SYN3: variants seen among roughly 807,000 people sequenced by gnomAD.
SYN3 encodes the protein synapsin-3.
In SYN3, 35 loss-of-function variants were observed where a neutral mutation model predicts 65.8. The ratio of observed to expected loss-of-function variants is 0.53; its 90% CI spans 0.41 to 0.70. SYN3 has a LOEUF of 0.70. SYN3 is among the 30% of genes least tolerant of loss of function. SYN3 has a pLI of 0.00. For synonymous variants in SYN3, 270 were observed against 292.9 expected (o/e 0.92, Z 0.80); for missense variants, 680 against 749.0 (o/e 0.91, Z 1.08).
intron 13 of SYN3, chr22:32,514,741 G>A (rs533034990): frequency 6.6e-6 from 1 of 152,556 alleles, no homozygotes; most frequent in African/African-American, 2.4e-5. Context: ...ACTGTGCTGG[G>A]CGCAGTGGCT....
chr22:32,816,035 A>G (rs1451578627), intron 6 of SYN3, among the ~76,000 whole-genome samples: 1 of 152,196 alleles, frequency 6.6e-6, no homozygotes, highest in Non-Finnish European at 1.5e-5. Flanking sequence ...TGAAGGGCCC[A>G]GGCAAAGCAG....
intron 4 of SYN3, among the ~76,000 whole-genome samples, chr22:32,873,138 G>A (rs1469378409): frequency 6.6e-6 from 1 of 151,868 alleles, no homozygotes; most frequent in Non-Finnish European, 1.5e-5. Context: ...TTTAGTAGAG[G>A]CAAGGTTTTG....
chr22:32,942,788 C>T (rs1047590314), intron 3 of SYN3, among the ~76,000 whole-genome samples: 19 of 152,082 alleles, frequency 1.2e-4, no homozygotes, highest in Non-Finnish European at 1.5e-4. Context: ...ACGAGAACTA[C>T]GTGACGAATG....
At chr22:32,985,233 A>C (rs2052488459) in intron 2 of SYN3, among the ~76,000 whole-genome samples, 1 of 152,228 alleles carries the variant, frequency 6.6e-6, no homozygotes, top group Non-Finnish European at 1.5e-5. Flanking sequence ...GTAAGCTGCA[A>C]AGTATGTAGT....
At chr22:32,615,793 A>T (rs934210895) in intron 6 of SYN3, among the ~76,000 whole-genome samples, 13 of 152,102 alleles carry the variant, frequency 8.5e-5, no homozygotes, top group African/African-American at 2.4e-4. Context: ...TGGGAAGAGG[A>T]GGGCTGTTTT....
chr22:32,882,696 T>C (rs933699712), intron 4 of SYN3, among the ~76,000 whole-genome samples: 1 of 151,014 alleles, frequency 6.6e-6, no homozygotes, highest in East Asian at 2.0e-4. Context: ...GTACTTTTTC[T>C]AGCCTTAAAA....
At chr22:33,005,581 G>C (rs2053175587) in intron 2 of SYN3, among the ~76,000 whole-genome samples, 2 of 152,202 alleles carry the variant, frequency 1.3e-5, no homozygotes, top group Admixed American at 1.3e-4. Flanking sequence ...TCTTGACACA[G>C]GTATCAGGTC....
chr22:32,637,831 G>T (rs562645901), intron 6 of SYN3, among the ~76,000 whole-genome samples: 1 of 151,720 alleles, frequency 6.6e-6, no homozygotes, highest in South Asian at 2.1e-4. Flanking sequence ...AGAGATGGGG[G>T]TTTCACCATG....
At chr22:32,909,962 G>A (rs186863465) in intron 4 of SYN3, among the ~76,000 whole-genome samples, 1 of 152,304 alleles carries the variant, frequency 6.6e-6, no homozygotes, top group African/African-American at 2.4e-5. Flanking sequence ...GAGAAGGCGC[G>A]TTGGAATGAG....
chr22:32,739,528 A>C (rs62234590), intron 6 of SYN3, among the ~76,000 whole-genome samples: 17,835 of 152,192 alleles, frequency 0.12, 1,355 homozygotes, highest in Middle Eastern at 0.2. Flanking sequence ...CAGAGCACTG[A>C]AGTTACTTTA....
intron 6 of SYN3, among the ~76,000 whole-genome samples, chr22:32,815,074 A>G (rs945617430): frequency 6.6e-6 from 1 of 152,230 alleles, no homozygotes; most frequent in Non-Finnish European, 1.5e-5. Flanking sequence ...GTTGCGTTTC[A>G]GCTACCTGTG....
At chr22:32,751,790 G>A (rs1420212711) in intron 6 of SYN3, among the ~76,000 whole-genome samples, 1 of 152,206 alleles carries the variant, frequency 6.6e-6, no homozygotes, top group African/African-American at 2.4e-5. Context: ...CAGAGCCAAA[G>A]AAATCTTGTT....
intron 4 of SYN3, among the ~76,000 whole-genome samples, chr22:32,900,307 C>A (rs2049721625): frequency 6.6e-6 from 1 of 152,204 alleles, no homozygotes; most frequent in Non-Finnish European, 1.5e-5. Context: ...TGTTCTGAAG[C>A]AGCAGATCCT....
chr22:32,784,643 AGAGTGTATG>A (rs2046147871), intron 6 of SYN3, among the ~76,000 whole-genome samples: 1 of 152,234 alleles, frequency 6.6e-6, no homozygotes, highest in Non-Finnish European at 1.5e-5. Context: ...GGTAAGCTGC[AGAGTGTATG>A]GCAACATTGT....
chr22:32,718,650 C>CAAA (rs72336175), intron 6 of SYN3, among the ~76,000 whole-genome samples: 82 of 135,682 alleles, frequency 6.0e-4, no homozygotes, highest in Middle Eastern at 3.9e-3. Flanking sequence ...TGAAACTGAC[C>CAAA]AAAAAAAAAA....
At chr22:32,954,775 C>T (rs1478638764) in intron 3 of SYN3, among the ~76,000 whole-genome samples, 4 of 151,344 alleles carry the variant, frequency 2.6e-5, no homozygotes, top group African/African-American at 9.7e-5. Context: ...TCTAATTCTG[C>T]AGACCATAGT....
intron 4 of SYN3, among the ~76,000 whole-genome samples, chr22:32,906,195 C>T (rs1348298214): frequency 2.0e-5 from 3 of 152,140 alleles, no homozygotes; most frequent in African/African-American, 4.8e-5. Context: ...CTGCAAACAA[C>T]GATCTGGCAT....
At chr22:32,517,571 A>T (rs904471961) in intron 13 of SYN3, among the ~76,000 whole-genome samples, 20 of 152,284 alleles carry the variant, frequency 1.3e-4, no homozygotes, top group African/African-American at 4.8e-4. Flanking sequence ...AGTATATTCC[A>T]TGCAATGTTT....
At chr22:32,722,436 T>A (rs946588278) in intron 6 of SYN3, among the ~76,000 whole-genome samples, 4 of 152,082 alleles carry the variant, frequency 2.6e-5, no homozygotes, top group African/African-American at 9.7e-5. Flanking sequence ...AAAAGGTGAA[T>A]GGAGGGTTTT....
Sources: allele counts gnomAD v4.1 joint callset (sites outside exome capture counted in the v4.1 genomes callset), GRCh38; gene constraint gnomAD v4.1.1; transcripts MANE v1.5; gene names NCBI Gene and HGNC (gene_info 2026-07-23, HGNC 2026-07-21).